LAMA2: variants seen among roughly 807,000 people sequenced by gnomAD.
The protein encoded by LAMA2 is laminin subunit alpha-2.
In LAMA2, 269 loss-of-function variants were observed where a neutral mutation model predicts 364.8. The observed-to-expected ratio is 0.74, with a 90% CI of 0.67 to 0.82. The LOEUF is 0.82. Among genes scored for constraint, LAMA2 ranks in the 40% least tolerant of loss-of-function variants. The pLI is 0.00. For synonymous variants in LAMA2, 1,379 were observed against 1,370.6 expected, an observed-to-expected ratio of 1.01 and a Z score of -0.14; for missense variants, 3,807 against 3,873.2, an observed-to-expected ratio of 0.98 and a Z score of 0.45.
chr6:129,224,158 G>A (rs1253403716), intron 12 of LAMA2, among the ~76,000 whole-genome samples: 1 of 152,174 alleles, frequency 6.6e-6, no homozygotes, highest in African/African-American at 2.4e-5. Context: ...TCTGTTGTTA[G>A]TGTATAAGAA....
chr6:129,485,084 TTTTG>T (rs376770409), intron 55 of LAMA2, among the ~76,000 whole-genome samples: 13 of 152,348 alleles, frequency 8.5e-5, no homozygotes, highest in East Asian at 7.7e-4. Context: ...TCGTCAATTT[TTTTG>T]TTTATCTTGA....
At chr6:129,011,483 C>T (rs1784764247) in intron 1 of LAMA2, among the ~76,000 whole-genome samples, 1 of 152,146 alleles carries the variant, frequency 6.6e-6, no homozygotes, top group South Asian at 2.1e-4. Context: ...ATAACCGTGA[C>T]TTGTCCTTTA....
chr6:129,051,645 A>C (rs1788031016), intron 2 of LAMA2, among the ~76,000 whole-genome samples: 1 of 145,148 alleles, frequency 6.9e-6, no homozygotes, highest in Non-Finnish European at 1.5e-5. Flanking sequence ...ATGTAGAGAG[A>C]TATATTTTAC....
chr6:129,233,901 C>G (rs1784827510), intron 12 of LAMA2, among the ~76,000 whole-genome samples: 2 of 152,144 alleles, frequency 1.3e-5, no homozygotes, highest in South Asian at 2.1e-4. Context: ...TCCAGTAGAG[C>G]AAAAAGAAGA....
intron 32 of LAMA2, among the ~76,000 whole-genome samples, chr6:129,355,110 A>G (rs1382287867): frequency 1.3e-5 from 2 of 152,158 alleles, no homozygotes; most frequent in Admixed American, 1.3e-4. Context: ...TCCAGAAAAA[A>G]ATATTAAATT....
chr6:129,407,026 T>C (rs1780281975), intron 40 of LAMA2, among the ~76,000 whole-genome samples: 1 of 152,150 alleles, frequency 6.6e-6, no homozygotes, highest in Admixed American at 6.5e-5. Flanking sequence ...GTATCCAGCA[T>C]GGGTGAAAGA....
At chr6:129,390,252 A>G (rs1467801996) in intron 35 of LAMA2, among the ~76,000 whole-genome samples, 1 of 152,032 alleles carries the variant, frequency 6.6e-6, no homozygotes, top group Non-Finnish European at 1.5e-5. Context: ...CTGAGTCTGT[A>G]GGTTTGTGGC....
At chr6:129,166,827 A>C (rs570240440) in intron 9 of LAMA2, among the ~76,000 whole-genome samples, 9 of 152,226 alleles carry the variant, frequency 5.9e-5, no homozygotes, top group Admixed American at 3.3e-4. Context: ...GCTCCTCTTA[A>C]CTTTATGTGA....
At chr6:129,320,014 T>C (rs998915623) in intron 27 of LAMA2, among the ~76,000 whole-genome samples, 1 of 152,018 alleles carries the variant, frequency 6.6e-6, no homozygotes, top group Non-Finnish European at 1.5e-5. Context: ...ACACCTGTAA[T>C]CCCAGCTACT....
In LAMA2 at chr6:129,507,546, G is replaced by A. The variant is rs139159258; in HGVS notation, c.8761G>A (p.Asp2921Asn). ...RNLHMAEAPA[D>N]LEQPTSSFHV... ...TCTCCACATGGCAGAGGCCCCTGCC[G>A]ATCTGGAACAACCCACCTCCAGCTT... Residue 2921 changes from aspartate (D) to asparagine (N), a missense_variant, in exon 62 of 65, where the codon GAT (aspartate) becomes AAT (asparagine). Transcript: ENST00000421865. 9.9e-5 allele frequency: 160 copies of A among 1,614,104 alleles called. No homozygotes were observed. In the African/African-American group the frequency reaches 1.8e-3, roughly 18 times the overall value.
intron 12 of LAMA2, among the ~76,000 whole-genome samples, chr6:129,219,016 G>T (rs1005575617): frequency 6.6e-6 from 1 of 152,022 alleles, no homozygotes; most frequent in Non-Finnish European, 1.5e-5. Flanking sequence ...CAATTTGCTG[G>T]TTTGTATAAG....
chr6:128,962,185 T>TATATACACAC (rs1214826895), intron 1 of LAMA2, among the ~76,000 whole-genome samples: 2 of 103,930 alleles, frequency 1.9e-5, no homozygotes, highest in African/African-American at 7.4e-5. Context: ...TATATATATA[T>TATATACACAC]ACACACATAC....
chr6:129,022,193 A>T (rs1466354185), intron 1 of LAMA2, among the ~76,000 whole-genome samples: 2 of 152,210 alleles, frequency 1.3e-5, no homozygotes, highest in Admixed American at 1.3e-4. Context: ...TTTTTAGCAT[A>T]TAAATAAAAT....
At chr6:128,959,600 T>A (rs1157902985) in intron 1 of LAMA2, among the ~76,000 whole-genome samples, 1 of 152,140 alleles carries the variant, frequency 6.6e-6, no homozygotes, top group Non-Finnish European at 1.5e-5. Flanking sequence ...CCCCAAGATA[T>A]CTTCTGGCTA....
At chr6:128,991,123 T>A (rs1369918085) in intron 1 of LAMA2, among the ~76,000 whole-genome samples, 2 of 152,068 alleles carry the variant, frequency 1.3e-5, no homozygotes, top group Admixed American at 6.6e-5. Flanking sequence ...GCACAATCTG[T>A]CCCATACAGG....
intron 12 of LAMA2, among the ~76,000 whole-genome samples, chr6:129,202,048 C>T (rs1277015515): frequency 1.3e-5 from 2 of 151,690 alleles, no homozygotes; most frequent in African/African-American, 4.8e-5. Flanking sequence ...ATTAGCTGGG[C>T]ATGGTGGTGC....
chr6:129,318,396 A>G (rs890903213), intron 27 of LAMA2, among the ~76,000 whole-genome samples: 2 of 152,060 alleles, frequency 1.3e-5, no homozygotes, highest in Non-Finnish European at 2.9e-5. Flanking sequence ...AATCAAAGCC[A>G]TTGCTCTCTA....
intron 58 of LAMA2, 38 bp from the exon 59 acceptor site, chr6:129,502,620 TC>T: frequency 2.4e-6 from 3 of 1,227,108 alleles, no homozygotes; most frequent in African/African-American, 1.5e-5. Flanking sequence ...TAAAGAACAG[TC>T]CATAATCTCC....
At chr6:128,969,914 C>T (rs1397608705) in intron 1 of LAMA2, among the ~76,000 whole-genome samples, 2 of 152,094 alleles carry the variant, frequency 1.3e-5, no homozygotes, top group African/African-American at 4.8e-5. Flanking sequence ...AATTGTAGCT[C>T]ATGTTGCAGT....
Sources: allele counts gnomAD v4.1 joint callset (sites outside exome capture counted in the v4.1 genomes callset), GRCh38; gene constraint gnomAD v4.1.1; transcripts MANE v1.5; gene names NCBI Gene and HGNC (gene_info 2026-07-23, HGNC 2026-07-21).